PCNX4: variants seen among roughly 807,000 people sequenced by gnomAD.
PCNX4 encodes the protein pecanex 4, also known as pecanex-like protein 4.
PCNX4 carries 103 observed loss-of-function variants against 107.2 expected under a neutral mutation model. The observed-to-expected ratio is 0.96, with a 90% CI of 0.82 to 1.13. The LOEUF (loss-of-function observed/expected upper bound fraction) is 1.13. PCNX4 is among the 50% of genes most tolerant of loss of function. The pLI, the probability that PCNX4 is intolerant of heterozygous loss-of-function variation, is 0.00. For synonymous variants in PCNX4, 541 were observed against 481.7 expected (o/e 1.12, Z -1.61); for missense variants, 1,528 against 1,379.4 (o/e 1.11, Z -1.71).
chr14:60,110,857 A>G (rs1895727005), intron 2 of PCNX4: 1 of 167,126 alleles, frequency 6.0e-6, no homozygotes. Flanking sequence ...GTTATAGACT[A>G]ATTGTGTTCC....
intron 1 of PCNX4, among the ~76,000 whole-genome samples, chr14:60,095,732 A>G (rs1156237375): frequency 1.3e-5 from 2 of 151,914 alleles, no homozygotes; most frequent in African/African-American, 2.4e-5. Flanking sequence ...TATTCCTAGA[A>G]GTTCAGGTCC....
At chr14:60,107,430 T>C (rs541463662) in intron 1 of PCNX4, among the ~76,000 whole-genome samples, 156 bp from the exon 2 acceptor site, 65 of 152,304 alleles carry the variant, frequency 4.3e-4, no homozygotes, top group South Asian at 1.2e-3. Context: ...ACTAGCAACT[T>C]AGTGTCAAGT....
rs141681922 is a variant in PCNX4 at position 60,098,933 on chromosome 14, C to T, written c.-54+6514C>T. On this transcript the variant is annotated intron_variant, in intron 1 of 10. Coordinates refer to ENST00000406854, the MANE Select transcript of PCNX4 (RefSeq NM_001330177.2). ...AGCCTGGGCAACAACAGCGAAACTCCGTCTCAAAAAGAAAAAAAAAAAAAG... is the reference window on the plus strand; with the variant it reads ...AGCCTGGGCAACAACAGCGAAACTCTGTCTCAAAAAGAAAAAAAAAAAAAG... 4.6e-5 allele frequency among the ~76,000 whole-genome samples: 7 copies of T among 150,772 alleles called. No individual in the cohort carries two copies. In the East Asian group the frequency reaches 5.8e-4, roughly 13 times the overall value.
At chr14:60,092,729 A>G (rs1003633372) in intron 1 of PCNX4, among the ~76,000 whole-genome samples, 2 of 152,124 alleles carry the variant, frequency 1.3e-5, no homozygotes, top group Admixed American at 6.5e-5. Flanking sequence ...GTTAGGTAGA[A>G]CTGTACTCTC....
chr14:60,092,953 A>G (rs918388777), intron 1 of PCNX4, among the ~76,000 whole-genome samples: 6 of 152,082 alleles, frequency 3.9e-5, no homozygotes, highest in Non-Finnish European at 5.9e-5. Flanking sequence ...CTCATTTTTT[A>G]CTATTTTTAG....
At chr14:60,130,720 G>A (rs1490860453) in intron 10 of PCNX4, among the ~76,000 whole-genome samples, 1 of 152,064 alleles carries the variant, frequency 6.6e-6, no homozygotes, top group Non-Finnish European at 1.5e-5. Flanking sequence ...AGGCAAAGCT[G>A]TACTGGATAA....
chr14:60,118,117 GT>G (rs112724029), intron 6 of PCNX4, among the ~76,000 whole-genome samples: 56 of 141,112 alleles, frequency 4.0e-4, no homozygotes, highest in Middle Eastern at 3.8e-3. Flanking sequence ...TAGTGTTACT[GT>G]TTTTTTTTTT....
At chr14:60,131,655 TTTTCAGAA>T (rs1425893105) in intron 10 of PCNX4, among the ~76,000 whole-genome samples, 1 of 152,216 alleles carries the variant, frequency 6.6e-6, no homozygotes, top group Non-Finnish European at 1.5e-5. Flanking sequence ...AACACAGTCC[TTTTCAGAA>T]TTCCAGTTGG....
At chr14:60,128,321 G>T (rs1478522056) in intron 10 of PCNX4, among the ~76,000 whole-genome samples, 1 of 152,230 alleles carries the variant, frequency 6.6e-6, no homozygotes, top group Non-Finnish European at 1.5e-5. Flanking sequence ...CAAAGACCAG[G>T]AGAAAACCTT....
intron 1 of PCNX4, among the ~76,000 whole-genome samples, chr14:60,102,041 A>T (rs1215816433): frequency 6.6e-6 from 1 of 152,240 alleles, no homozygotes; most frequent in African/African-American, 2.4e-5. Context: ...TAAATCAGTG[A>T]GTAGAATGGT....
chr14:60,121,181 T>TTTTTTTTTC lies in PCNX4; in HGVS notation c.1943-15_1943-14insTTTTTTTTC. On this transcript the variant is annotated splice_polypyrimidine_tract_variant and intron_variant, in intron 7 of 10. Transcript: ENST00000406854. ...ATTTTCTTTTTTTTTTTTTTTTTTT[T>TTTTTTTTTC]CTAATTTGTTGTAGGTCTCCTCCTA... 1 of 1,523,418 alleles carries TTTTTTTTTC rather than the reference T, an allele frequency of 6.6e-7. No individual in the cohort carries two copies. Among genetic ancestry groups the TTTTTTTTTC allele is most frequent in the Non-Finnish European group, 8.8e-7 (1 of 1,139,282 alleles). The allele number at this position is 1,523,418 out of a possible 1,614,324, so 94.4% of individuals were successfully genotyped here. A position where few individuals can be genotyped will look rare whatever the true frequency, so the allele number is the denominator to read the frequency against.
In PCNX4 at chr14:60,137,597, G is replaced by A. The variant is rs924693234; in HGVS notation, c.*3376G>A. ...AAACAAGACAACATGATGAAAATCC[G>A]AAAGAAGCGACAGATGATGGGACAG... On this transcript the variant is annotated 3_prime_UTR_variant, in exon 11 of 11. Coordinates refer to ENST00000406854, the MANE Select transcript of PCNX4 (RefSeq NM_001330177.2). 2.0e-5 allele frequency: 3 copies of A among 152,196 alleles called. No individual in the cohort carries two copies. The highest frequency in any genetic ancestry group is 2.9e-5 in the Non-Finnish European group (2 of 68,050). 9.4% of individuals were successfully genotyped at this position (152,196 alleles called of 1,614,324 possible).
chr14:60,116,785 C>A (rs1895856669), intron 6 of PCNX4, among the ~76,000 whole-genome samples: 1 of 152,114 alleles, frequency 6.6e-6, no homozygotes, highest in South Asian at 2.1e-4. Flanking sequence ...TAGGAGATGA[C>A]AACTCCATGT....
At chr14:60,118,009 T>C (rs982481857) in intron 6 of PCNX4, among the ~76,000 whole-genome samples, 3 of 152,138 alleles carry the variant, frequency 2.0e-5, no homozygotes, top group Non-Finnish European at 2.9e-5. Context: ...TTTTAGTAAT[T>C]TGTGTCTTTC....
At position 60,134,386 on chromosome 14, in the gene PCNX4, T is replaced by TA; in HGVS notation, c.*171dup. 1.3e-6 allele frequency: 1 copy of TA among 799,032 alleles called. No homozygotes were observed. Among genetic ancestry groups the TA allele is most frequent in the Non-Finnish European group, 1.9e-6 (1 of 517,942 alleles). The allele number at this position is 799,032 out of a possible 1,614,324, so 49.5% of individuals were successfully genotyped here. On this transcript the variant is annotated 3_prime_UTR_variant, in exon 11 of 11. Coordinates refer to ENST00000406854, the MANE Select transcript of PCNX4 (RefSeq NM_001330177.2). ...GTTCTCTTAGCCATCTTAATGGTTC[T>TA]AAAAAACAGCAAAAACATCTTTATG...
At position 60,147,916 on chromosome 14, in the gene PCNX4, A is replaced by AT. The variant is rs2140587217; in HGVS notation, c.*13698dup. ...AGCTACTGCATCAGCTGTCCTCCAT[A>AT]TTTAAAACTCAGGTATACTCTTTGA... On this transcript the variant is annotated 3_prime_UTR_variant, in exon 11 of 11. Coordinates refer to ENST00000406854, the MANE Select transcript of PCNX4 (RefSeq NM_001330177.2). 6.6e-6 allele frequency: 1 copy of AT among 152,310 alleles called. No homozygotes were observed. Among genetic ancestry groups the AT allele is most frequent in the East Asian group, 1.9e-4 (1 of 5,188 alleles). 9.4% of individuals were successfully genotyped at this position (152,310 alleles called of 1,614,324 possible).
At chr14:60,127,083 G>A (rs1025340487) in intron 10 of PCNX4, among the ~76,000 whole-genome samples, 2 of 152,192 alleles carry the variant, frequency 1.3e-5, no homozygotes, top group Non-Finnish European at 1.5e-5. Flanking sequence ...TATCTGCAAC[G>A]GAGTGTAGAC....
At chr14:60,121,096 T>C in intron 7 of PCNX4, 100 bp from the exon 8 acceptor site, 5 of 1,408,646 alleles carry the variant, frequency 3.5e-6, no homozygotes, top group Non-Finnish European at 4.7e-6. Flanking sequence ...CGTGAATCAG[T>C]TCTAGATGTC....
Position 60,125,686 on chromosome 14 carries a change from G to T in PCNX4, c.3130G>T (p.Asp1044Tyr). Residue 1044 changes from aspartate (D) to tyrosine (Y), a missense_variant, in exon 10 of 11, where the codon GAC (aspartate) becomes TAC (tyrosine). Coordinates refer to ENST00000406854, the MANE Select transcript of PCNX4 (RefSeq NM_001330177.2). Reference protein sequence around the residue: ...IDKASLGPIEDFRELIKYLEE... With the variant: ...IDKASLGPIEYFRELIKYLEE... ...TAAAGCAAGTTTAGGTCCAATAGAA[G>T]ACTTTAGAGAACTGATTAAGTACCT... The T allele has an allele frequency of 2.5e-6, 4 of 1,589,850 alleles. No individual in the cohort carries two copies. Among genetic ancestry groups the T allele is most frequent in the South Asian group, 2.3e-5 (2 of 86,334 alleles).
Sources: gnomAD v4.1 joint callset for allele counts (sites outside exome capture counted in the v4.1 genomes callset) on GRCh38, gnomAD v4.1.1 for gene constraint, MANE v1.5 for transcripts, NCBI Gene and HGNC (gene_info 2026-07-23, HGNC 2026-07-21) for gene names.